Variants in B3GALT1 observed in about 807,000 individuals in gnomAD.
B3GALT1 encodes UDP-Gal:betaGlcNAc beta 1,3-galactosyltransferase, polypeptide 1.
In B3GALT1, 10 loss-of-function variants were observed where a neutral mutation model predicts 23.2. The ratio of observed to expected loss-of-function variants is 0.43; its 90% confidence interval spans 0.27 to 0.73. The LOEUF (loss-of-function observed/expected upper bound fraction) is 0.73, where lower values mean the gene tolerates loss of function less well. B3GALT1 is among the 30% of genes least tolerant of loss of function. B3GALT1 has a pLI of 0.21. For synonymous variants in B3GALT1, 156 were observed against 141.5 expected (o/e 1.10, Z -0.73); for missense variants, 299 against 405.4 (o/e 0.74, Z 2.25).
At chr2:167,673,032 TAAA>T (rs61070688) in intron 3 of B3GALT1, among the ~76,000 whole-genome samples, 2 of 141,534 alleles carry the variant, frequency 1.4e-5, no homozygotes, top group South Asian at 4.5e-4. Context: ...AGGTGCAAAA[TAAA>T]AAAAAAAGCC....
rs1574114575 is a variant in B3GALT1 at position 167,517,189 on chromosome 2, C to G, written c.-410+26912C>G. Among the ~76,000 whole-genome samples the G allele has an allele frequency of 2.0e-5, 3 of 151,894 alleles. No homozygotes were observed. The South Asian group carries it at 6.2e-4, about 32-fold the overall frequency. On this transcript the variant is annotated intron_variant, in intron 2 of 4. Transcript: ENST00000392690. ...TTGAATTTTCTTCTCTCTGTTAAAA[C>G]ATCACTTGCTACTTTGGGGTTTTAT...
intron 3 of B3GALT1, among the ~76,000 whole-genome samples, chr2:167,774,369 T>C (rs1239249807): frequency 1.3e-5 from 2 of 152,116 alleles, no homozygotes; most frequent in East Asian, 3.8e-4. Context: ...TGAAGAATCA[T>C]TTTCTTTGGC....
intron 1 of B3GALT1, among the ~76,000 whole-genome samples, chr2:167,303,241 T>G (rs1238850660): frequency 6.6e-6 from 1 of 152,174 alleles, no homozygotes; most frequent in African/African-American, 2.4e-5. Context: ...TTTGTGAAAT[T>G]TATGTGTTTA....
chr2:167,299,575 A>G (rs1017370769), intron 1 of B3GALT1, among the ~76,000 whole-genome samples: 1 of 152,196 alleles, frequency 6.6e-6, no homozygotes, highest in African/African-American at 2.4e-5. Flanking sequence ...GAACACAGCT[A>G]ATGATAAACA....
intron 3 of B3GALT1, among the ~76,000 whole-genome samples, chr2:167,806,029 G>C (rs1097481): frequency 0.42 from 63,220 of 151,764 alleles, 15,462 homozygotes; most frequent in East Asian, 0.72. Flanking sequence ...AGTTCTCCTT[G>C]AAGAGGTCCT....
chr2:167,408,494 C>A (rs1037724747), intron 1 of B3GALT1, among the ~76,000 whole-genome samples: 1 of 151,984 alleles, frequency 6.6e-6, no homozygotes, highest in African/African-American at 2.4e-5. Flanking sequence ...TTTTATTGAA[C>A]ATACTACTGG....
intron 3 of B3GALT1, among the ~76,000 whole-genome samples, chr2:167,799,711 CA>C (rs1303468909): frequency 6.6e-6 from 1 of 152,164 alleles, no homozygotes; most frequent in Non-Finnish European, 1.5e-5. Context: ...CTTTCTAGAG[CA>C]CTCTAAATGG....
At chr2:167,846,794 C>T (rs1689769765) in intron 4 of B3GALT1, among the ~76,000 whole-genome samples, 1 of 152,158 alleles carries the variant, frequency 6.6e-6, no homozygotes, top group South Asian at 2.1e-4. Context: ...GGCCTAAATC[C>T]TCCACTTAAA....
intron 1 of B3GALT1, among the ~76,000 whole-genome samples, chr2:167,436,768 C>T (rs1698792447): frequency 6.6e-6 from 1 of 152,040 alleles, no homozygotes; most frequent in African/African-American, 2.4e-5. Context: ...CTGCAGTCCC[C>T]CAGTTAAGAG....
At chr2:167,532,875 T>TC (rs1271586435) in intron 2 of B3GALT1, among the ~76,000 whole-genome samples, 1 of 149,680 alleles carries the variant, frequency 6.7e-6, no homozygotes, top group African/African-American at 2.5e-5. Flanking sequence ...TTTTTTTTTT[T>TC]TGGGAGACAG....
chr2:167,616,578 T>C (rs149526828), intron 2 of B3GALT1, among the ~76,000 whole-genome samples: 4 of 152,070 alleles, frequency 2.6e-5, no homozygotes, highest in African/African-American at 9.6e-5. Flanking sequence ...GGTGCATGTC[T>C]GTAATCCCAT....
At chr2:167,311,111 A>G (rs545242603) in intron 1 of B3GALT1, among the ~76,000 whole-genome samples, 1 of 152,254 alleles carries the variant, frequency 6.6e-6, no homozygotes, top group East Asian at 1.9e-4. Flanking sequence ...GTCCTACTAT[A>G]GCATTTATCA....
intron 1 of B3GALT1, among the ~76,000 whole-genome samples, chr2:167,372,966 G>T (rs186133937): frequency 6.6e-6 from 1 of 152,014 alleles, no homozygotes; most frequent in African/African-American, 2.4e-5. Flanking sequence ...AAATTTATGA[G>T]TCTAAAATTT....
At chr2:167,814,750 T>G (rs368003952) in intron 3 of B3GALT1, 7 of 152,368 alleles carry the variant, frequency 4.6e-5, no homozygotes, top group African/African-American at 1.7e-4. Flanking sequence ...AGAGTGAGAC[T>G]CCATCTCAAA....
chr2:167,751,551 T>C (rs1687738330), intron 3 of B3GALT1, among the ~76,000 whole-genome samples: 1 of 152,160 alleles, frequency 6.6e-6, no homozygotes, highest in Non-Finnish European at 1.5e-5. Context: ...TTAGGAGTTA[T>C]GAGGATAATT....
chr2:167,714,517 A>G, intron 3 of B3GALT1: 1 of 1,611,936 alleles, frequency 6.2e-7, no homozygotes, highest in South Asian at 1.1e-5. Context: ...CATATGGCGA[A>G]CGCTCTCTGC....
intron 2 of B3GALT1, among the ~76,000 whole-genome samples, chr2:167,618,881 A>C (rs1047558663): frequency 6.6e-6 from 1 of 151,726 alleles, no homozygotes; most frequent in African/African-American, 2.4e-5. Flanking sequence ...TCCTTTCCTG[A>C]TGATGTTAAC....
At chr2:167,396,052 G>C (rs980430967) in intron 1 of B3GALT1, among the ~76,000 whole-genome samples, 1 of 152,048 alleles carries the variant, frequency 6.6e-6, no homozygotes, top group African/African-American at 2.4e-5. Context: ...TCTTCTGAAG[G>C]TTAAATGAAG....
intron 2 of B3GALT1, among the ~76,000 whole-genome samples, chr2:167,523,930 T>C (rs1191282500): frequency 1.3e-5 from 2 of 152,218 alleles, no homozygotes; most frequent in Admixed American, 6.5e-5. Context: ...CAGTTAGTAT[T>C]GCTGGATATT....
Sources: allele counts gnomAD v4.1 joint callset (sites outside exome capture counted in the v4.1 genomes callset), GRCh38; gene constraint gnomAD v4.1.1; transcripts MANE v1.5; gene names NCBI Gene and HGNC (gene_info 2026-07-23, HGNC 2026-07-21).